The following QTRT2 variants were observed in gnomAD, a reference collection of about 807,000 sequenced individuals.
The protein encoded by QTRT2 is queuine tRNA-ribosyltransferase accessory subunit 2.
Under a neutral mutation model 44.8 loss-of-function variants are expected in QTRT2, and 32 were observed. That is an observed-to-expected ratio of 0.71 (90% CI 0.54 to 0.96). QTRT2 has a LOEUF of 0.96. Ranked by LOEUF, QTRT2 falls within the 40% of genes least tolerant of loss-of-function variation. The pLI, the probability that QTRT2 is intolerant of heterozygous loss-of-function variation, is 0.00. For missense variants in QTRT2, 461 were observed against 503.1 expected (o/e 0.92, Z 0.80); for synonymous variants, 182 against 187.4 (o/e 0.97, Z 0.24).
intron 2 of QTRT2, among the ~76,000 whole-genome samples, chr3:114,061,876 C>T (rs2076890913): frequency 6.6e-6 from 1 of 152,144 alleles, no homozygotes; most frequent in African/African-American, 2.4e-5. Flanking sequence ...ATGTGCCCAA[C>T]CAAAGCCACT....
At chr3:114,076,498 T>G (rs889929329) in intron 6 of QTRT2, among the ~76,000 whole-genome samples, 1 of 152,218 alleles carries the variant, frequency 6.6e-6, no homozygotes, top group Non-Finnish European at 1.5e-5. Flanking sequence ...AGAACAAGAC[T>G]GCATATGTTG....
chr3:114,079,865 G>A (rs1316945269), intron 7 of QTRT2, 41 bp from the exon 8 acceptor site: 1 of 1,595,544 alleles, frequency 6.3e-7, no homozygotes, highest in Admixed American at 1.7e-5. Context: ...TTCCTTCCTT[G>A]CATTGTCCTC....
chr3:114,069,741 A>G (rs1249012711), intron 5 of QTRT2, among the ~76,000 whole-genome samples: 2 of 152,178 alleles, frequency 1.3e-5, no homozygotes, highest in Admixed American at 6.5e-5. Context: ...AATGATTTAT[A>G]TTGCTCTGGG....
chr3:114,061,236 G>C (rs1390347687), intron 2 of QTRT2, among the ~76,000 whole-genome samples: 1 of 151,960 alleles, frequency 6.6e-6, no homozygotes, highest in African/African-American at 2.4e-5. Context: ...CATTCTATAG[G>C]GCAAACATGC....
intron 6 of QTRT2, among the ~76,000 whole-genome samples, chr3:114,072,480 T>C (rs2077037051): frequency 6.6e-6 from 1 of 152,236 alleles, no homozygotes; most frequent in South Asian, 2.1e-4. Context: ...CATTCTTTGC[T>C]ACCCCTTTAA....
chr3:114,083,167 G>T (rs1181714097), intron 9 of QTRT2, among the ~76,000 whole-genome samples: 1 of 152,182 alleles, frequency 6.6e-6, no homozygotes, highest in Non-Finnish European at 1.5e-5. Flanking sequence ...TAAATCTTAC[G>T]TAAGATATTT....
chr3:114,069,011 T>C (rs1385528010), intron 5 of QTRT2, among the ~76,000 whole-genome samples: 3 of 150,830 alleles, frequency 2.0e-5, no homozygotes, highest in Admixed American at 2.0e-4. Flanking sequence ...GTCGCACCAG[T>C]GCATTGCATT....
At chr3:114,064,448 T>A (rs2076926847) in intron 2 of QTRT2, among the ~76,000 whole-genome samples, 1 of 152,216 alleles carries the variant, frequency 6.6e-6, no homozygotes. Flanking sequence ...ACCCAGTATT[T>A]TGCTTCACTG....
At chr3:114,077,104 G>C in intron 7 of QTRT2, 162 bp downstream of exon 7, 1 of 645,856 alleles carries the variant, frequency 1.5e-6, no homozygotes, top group Middle Eastern at 4.2e-4. Context: ...ACTGTAAGGG[G>C]AGTTTCCATC....
intron 3 of QTRT2, 62 bp downstream of exon 3, chr3:114,065,519 C>A: frequency 3.3e-6 from 4 of 1,229,624 alleles, no homozygotes; most frequent in Admixed American, 4.6e-5. Context: ...ACCTTAGGTG[C>A]AAAAAAGAGA....
chr3:114,065,827 T>C (rs1409875713), intron 3 of QTRT2, among the ~76,000 whole-genome samples: 2 of 152,224 alleles, frequency 1.3e-5, no homozygotes, highest in African/African-American at 4.8e-5. Flanking sequence ...CTAATACTAC[T>C]TTATGGAAAC....
rs1171336777 is a variant in QTRT2, at chr3:114,065,263, G to A, written c.6G>A (p.Lys2=). 2 of 1,613,848 alleles carry A rather than the reference G, an allele frequency of 1.2e-6. No individual in the cohort carries two copies. Among genetic ancestry groups the A allele is most frequent in the Non-Finnish European group, 1.7e-6 (2 of 1,179,918 alleles). The change falls in exon 3 of 10, where the codon AAG becomes AAA. Residue 2 remains lysine (K), a synonymous_variant. Coordinates refer to ENST00000281273, the MANE Select transcript of QTRT2 (RefSeq NM_024638.4). ...ACCTAGAAGAATCCCTTAGGATGAA[G>A]CTGAGTCTTACCAAGGTAGTTAATG... M[K]LSLTKVVNGC... is the part of the protein sequence containing the mutation.
chr3:114,058,578 G>A (rs923521808), intron 2 of QTRT2, among the ~76,000 whole-genome samples: 6 of 152,066 alleles, frequency 3.9e-5, no homozygotes, highest in Non-Finnish European at 7.4e-5. Context: ...TGTTACCCAG[G>A]CTGGACTGCA....
Position 114,079,585 on chromosome 3 carries a change from C to T in QTRT2, c.747-321C>T, listed in dbSNP as rs1022647145. 1.5e-5 allele frequency: 3 copies of T among 195,528 alleles called. No individual in the cohort carries two copies. In the East Asian group the frequency reaches 4.8e-4, roughly 31 times the overall value. The allele number at this position is 195,528 out of a possible 1,614,324, so 12.1% of individuals were successfully genotyped here. A position where few individuals can be genotyped will look rare whatever the true frequency, so the allele number is the denominator to read the frequency against. On this transcript the variant is annotated intron_variant, in intron 7 of 9. Coordinates refer to ENST00000281273, the MANE Select transcript of QTRT2 (RefSeq NM_024638.4). The stretch of plus-strand genomic sequence containing the variant: ...TGCTTTTTCAAATATCTCATTAATC[C>T]TCACAACAATTCTGTGGGGGTATAT...
intron 5 of QTRT2, 59 bp from the exon 6 acceptor site, chr3:114,070,567 A>AT: frequency 7.1e-7 from 1 of 1,404,324 alleles, no homozygotes; most frequent in Non-Finnish European, 1.0e-6. Context: ...CATTTTAATT[A>AT]TTTTATTTTT....
chr3:114,065,793 T>C (rs964461323), intron 3 of QTRT2, among the ~76,000 whole-genome samples: 1 of 151,650 alleles, frequency 6.6e-6, no homozygotes, highest in African/African-American at 2.4e-5. Context: ...CTCAAAGTTT[T>C]TTCTGCCTTT....
chr3:114,076,567 A>G (rs2077093187), intron 6 of QTRT2, among the ~76,000 whole-genome samples, 176 bp from the exon 7 acceptor site: 1 of 152,176 alleles, frequency 6.6e-6, no homozygotes, highest in Non-Finnish European at 1.5e-5. Flanking sequence ...TTTTCAAAGT[A>G]TGTTCCTCAG....
At chr3:114,082,115 A>G (rs2077172950) in intron 8 of QTRT2, among the ~76,000 whole-genome samples, 1 of 151,992 alleles carries the variant, frequency 6.6e-6, no homozygotes, top group African/African-American at 2.4e-5. Flanking sequence ...CATTAAAACC[A>G]TGTTCTACTT....
At chr3:114,084,084 G>C (rs1208992199) in intron 9 of QTRT2, among the ~76,000 whole-genome samples, 1 of 149,818 alleles carries the variant, frequency 6.7e-6, no homozygotes, top group Admixed American at 6.6e-5. Context: ...TTTGTGGGGG[G>C]CAGAGTGTAG....
Sources: gnomAD v4.1 joint callset for allele counts (sites outside exome capture counted in the v4.1 genomes callset) on GRCh38, gnomAD v4.1.1 for gene constraint, MANE v1.5 for transcripts, NCBI Gene and HGNC (gene_info 2026-07-23, HGNC 2026-07-21) for gene names.